PRSS23: variants seen among roughly 807,000 people sequenced by gnomAD.
PRSS23 encodes serine protease 23.
Under a neutral mutation model 34.7 loss-of-function variants are expected in PRSS23, and 25 were observed. That is an observed-to-expected ratio of 0.72 (90% CI 0.53 to 1.01). The LOEUF (loss-of-function observed/expected upper bound fraction) is 1.01, where lower values mean the gene tolerates loss of function less well. Among genes scored for constraint, PRSS23 ranks in the 50% least tolerant of loss-of-function variants. The pLI, the probability that PRSS23 is intolerant of heterozygous loss-of-function variation, is 0.00. For synonymous variants in PRSS23, 176 were observed against 186.6 expected (o/e 0.94, Z 0.46); for missense variants, 445 against 475.6 (o/e 0.94, Z 0.60).
chr11:86,882,639 T>C (rs1416762156), intron 2 of PRSS23, among the ~76,000 whole-genome samples: 1 of 152,204 alleles, frequency 6.6e-6, no homozygotes, highest in East Asian at 1.9e-4. Context: ...TCTTTGCTAT[T>C]GTGAATAGTG....
chr11:86,861,374 G>C (rs1167981319), intron 2 of PRSS23, among the ~76,000 whole-genome samples: 1 of 151,664 alleles, frequency 6.6e-6, no homozygotes, highest in East Asian at 1.9e-4. Flanking sequence ...CTCTGATATA[G>C]TTTGCAATAT....
chr11:86,906,089 C>T (rs760596206), intron 2 of PRSS23, among the ~76,000 whole-genome samples: 5 of 152,086 alleles, frequency 3.3e-5, no homozygotes, highest in Non-Finnish European at 7.3e-5. Flanking sequence ...GTAGAGAGAA[C>T]AAGGCACCAC....
chr11:86,800,482 G>C (rs1948018823), upstream of PRSS23: 1 of 984,114 alleles, frequency 1.0e-6, no homozygotes, highest in Non-Finnish European at 1.2e-6. Flanking sequence ...GGGGCGGGCG[G>C]GCCTCGGGTG....
At chr11:86,849,657 T>C (rs2134916494) in intron 2 of PRSS23, among the ~76,000 whole-genome samples, 1 of 152,274 alleles carries the variant, frequency 6.6e-6, no homozygotes, top group Non-Finnish European at 1.5e-5. Context: ...ATTCTAGAAT[T>C]ACAAAAACCA....
chr11:86,853,488 C>T (rs1352893196), intron 2 of PRSS23, among the ~76,000 whole-genome samples: 1 of 151,918 alleles, frequency 6.6e-6, no homozygotes, highest in African/African-American at 2.4e-5. Context: ...CTCCTGACCT[C>T]AGGTGATCCT....
At chr11:86,907,693 G>A (rs1948952765) in intron 2 of PRSS23, among the ~76,000 whole-genome samples, 1 of 152,134 alleles carries the variant, frequency 6.6e-6, no homozygotes, top group Non-Finnish European at 1.5e-5. Context: ...CTCTTGGGCT[G>A]AAGTGATCCG....
At chr11:86,798,655 G>A (rs189055036), upstream of PRSS23, among the ~76,000 whole-genome samples, 26 of 152,212 alleles carry the variant, frequency 1.7e-4, no homozygotes, top group African/African-American at 6.0e-4. Flanking sequence ...TTTTATTTGC[G>A]AGTTGTTCAA....
chr11:86,900,176 T>C (rs1045288438), intron 2 of PRSS23, among the ~76,000 whole-genome samples: 3 of 152,244 alleles, frequency 2.0e-5, no homozygotes, highest in African/African-American at 7.2e-5. Context: ...CTCTAAGTTG[T>C]TGAGATCTTC....
intron 2 of PRSS23, among the ~76,000 whole-genome samples, chr11:86,878,490 C>T (rs1948741959): frequency 6.6e-6 from 1 of 152,154 alleles, no homozygotes; most frequent in Non-Finnish European, 1.5e-5. Flanking sequence ...GTCTCCAGCT[C>T]CTAACCGCGA....
At chr11:86,841,059 G>C (rs1388426733) in intron 2 of PRSS23, among the ~76,000 whole-genome samples, 1 of 152,008 alleles carries the variant, frequency 6.6e-6, no homozygotes, top group African/African-American at 2.4e-5. Context: ...ACTAGGGAAG[G>C]CCAGGCGAGG....
intron 1 of PRSS23, among the ~76,000 whole-genome samples, chr11:86,817,481 C>G (rs1448081360): frequency 1.3e-5 from 2 of 152,120 alleles, no homozygotes; most frequent in East Asian, 1.9e-4. Context: ...ATTGAAATAC[C>G]TCTATTTCTG....
chr11:86,915,081 C>T (rs535664578), intron 2 of PRSS23, among the ~76,000 whole-genome samples: 19 of 152,136 alleles, frequency 1.2e-4, no homozygotes, highest in East Asian at 5.8e-4. Context: ...AACCATCAAT[C>T]GCATCAGTCC....
At chr11:86,831,362 A>T (rs992726298) in intron 2 of PRSS23, among the ~76,000 whole-genome samples, 2 of 151,762 alleles carry the variant, frequency 1.3e-5, no homozygotes, top group African/African-American at 4.8e-5. Flanking sequence ...GTTACTCCTC[A>T]TGTCACAGGG....
chr11:86,873,119 G>C (rs1162157192), intron 2 of PRSS23, among the ~76,000 whole-genome samples: 1 of 151,256 alleles, frequency 6.6e-6, no homozygotes, highest in Non-Finnish European at 1.5e-5. Context: ...AACCCCCTCT[G>C]TCCATTTGAG....
At chr11:86,821,788 C>A in intron 1 of PRSS23, 1 of 934,314 alleles carries the variant, frequency 1.1e-6, no homozygotes, top group Non-Finnish European at 1.6e-6. Flanking sequence ...CGTTCCGCCT[C>A]AGCACGCTGC....
intron 2 of PRSS23, among the ~76,000 whole-genome samples, chr11:86,834,516 CT>C (rs1948387491): frequency 7.3e-6 from 1 of 136,150 alleles, no homozygotes; most frequent in Non-Finnish European, 1.5e-5. Context: ...TTTTCCTTTC[CT>C]TTCCTTTCCT....
At chr11:86,869,812 C>T (rs1221614729) in intron 2 of PRSS23, among the ~76,000 whole-genome samples, 3 of 152,166 alleles carry the variant, frequency 2.0e-5, no homozygotes, top group Non-Finnish European at 4.4e-5. Flanking sequence ...AAATAAGCAC[C>T]GTGTCTCCTA....
At chr11:86,842,233 A>C (rs1435461316) in intron 2 of PRSS23, among the ~76,000 whole-genome samples, 1 of 152,134 alleles carries the variant, frequency 6.6e-6, no homozygotes, top group African/African-American at 2.4e-5. Context: ...AATTCAACAG[A>C]CCTTCATGCT....
At chr11:86,909,866 A>G (rs577730120) in intron 2 of PRSS23, 19 of 152,356 alleles carry the variant, frequency 1.2e-4, no homozygotes, top group Admixed American at 1.0e-3. Context: ...GTCATCTGAA[A>G]GGTGGATTTA....
Sources: gnomAD v4.1 joint callset for allele counts (sites outside exome capture counted in the v4.1 genomes callset) on GRCh38, gnomAD v4.1.1 for gene constraint, MANE v1.5 for transcripts, NCBI Gene and HGNC (gene_info 2026-07-23, HGNC 2026-07-21) for gene names.